Variants in DNAJC3 observed in about 807,000 individuals in gnomAD.
The protein encoded by DNAJC3 is dnaJ homolog subfamily C member 3.
In DNAJC3, 38 loss-of-function variants were observed where a neutral mutation model predicts 68.6. That is an observed-to-expected ratio of 0.55 (90% CI 0.43 to 0.73). DNAJC3 has a LOEUF of 0.73. Among genes scored for constraint, DNAJC3 ranks in the 30% least tolerant of loss-of-function variants. The probability of loss-of-function intolerance (pLI) is 0.00; values close to 1 mark genes in which losing one functional copy is unlikely to be tolerated. For missense variants in DNAJC3, 526 were observed against 591.9 expected (o/e 0.89, Z 1.16); for synonymous variants, 203 against 204.0 (o/e 1.00, Z 0.04).
Position 95,704,857 on chromosome 13 carries a change from T to TTTTTTTTG in DNAJC3, c.83-4363_83-4362insGTTTTTTT, listed in dbSNP as rs1189534581. Among the ~76,000 whole-genome samples the TTTTTTTTG allele has an allele frequency of 5.9e-4, 83 of 140,046 alleles. 1 individual carries two copies. The highest frequency in any genetic ancestry group is 2.4e-3 in the African/African-American group (79 of 32,802). 91.9% of individuals were successfully genotyped at this position (140,046 alleles called of 152,430 possible). A position where few individuals can be genotyped will look rare whatever the true frequency, so the allele number is the denominator to read the frequency against. On this transcript the variant is annotated intron_variant, in intron 1 of 11. Transcript: ENST00000602402. ...GACTAATCTGTGTGTGTGTGTTTTT[T>TTTTTTTTG]TTTTTTTTTTTTGAGACAGAGTCTC...
chr13:95,752,047 G>C (rs1338473453), intron 4 of DNAJC3, among the ~76,000 whole-genome samples: 2 of 152,178 alleles, frequency 1.3e-5, no homozygotes, highest in African/African-American at 2.4e-5. Flanking sequence ...TGAGATTTGG[G>C]TGGGGACACA....
intron 9 of DNAJC3, among the ~76,000 whole-genome samples, chr13:95,775,156 C>G (rs1883260686): frequency 6.6e-6 from 1 of 152,204 alleles, no homozygotes. Context: ...TCTTAAACCC[C>G]TGGCCTCAAG....
At chr13:95,790,793 T>C in intron 11 of DNAJC3, 80 bp from the exon 12 acceptor site, 111 of 636,434 alleles carry the variant, frequency 1.7e-4, no homozygotes, top group Middle Eastern at 3.5e-4. Flanking sequence ...CCACCCACCC[T>C]CCTCTGCCCA....
chr13:95,696,771 A>T (rs1222522492), intron 1 of DNAJC3, among the ~76,000 whole-genome samples: 1 of 150,024 alleles, frequency 6.7e-6, no homozygotes, highest in African/African-American at 2.5e-5. Flanking sequence ...TTTGAGACGG[A>T]GTCTCGCTCT....
In DNAJC3 at chr13:95,786,124, A is replaced by G. The variant is rs1662469938; in HGVS notation, c.1208+53A>G. 9.3e-6 allele frequency: 14 copies of G among 1,500,190 alleles called. No individual in the cohort carries two copies. In the South Asian group the frequency reaches 1.4e-4, roughly 15 times the overall value. The allele number at this position is 1,500,190 out of a possible 1,614,324, so 92.9% of individuals were successfully genotyped here. A position where few individuals can be genotyped will look rare whatever the true frequency, so the allele number is the denominator to read the frequency against. ...GCTATTTTTAATCAACTCTGTTTCA[A>G]AGCTAATCATTGCTCTTTTTCCTCT... On this transcript the variant is annotated intron_variant, in intron 10 of 11. Transcript: ENST00000602402.
At chr13:95,681,682 C>T (rs1021327980) in intron 1 of DNAJC3, among the ~76,000 whole-genome samples, 3 of 152,208 alleles carry the variant, frequency 2.0e-5, no homozygotes, top group African/African-American at 7.2e-5. Context: ...AAGAAACAAT[C>T]TCAGTCGCAA....
intron 4 of DNAJC3, chr13:95,742,636 G>A (rs1380701935): frequency 1.9e-6 from 1 of 513,120 alleles, no homozygotes; most frequent in South Asian, 1.4e-5. Flanking sequence ...CTTCTTAGGT[G>A]TTTCCTGTTC....
intron 2 of DNAJC3, 120 bp from the exon 3 acceptor site, chr13:95,723,122 C>A (rs527564601): frequency 2.2e-6 from 2 of 926,318 alleles, no homozygotes; most frequent in African/African-American, 1.7e-5. Context: ...TGATGAGATT[C>A]TTTTCTTAAT....
At position 95,764,373 on chromosome 13, in the gene DNAJC3, C is replaced by CTATATA. The variant is rs1354797563; in HGVS notation, c.1075+421_1075+422insATATAT. On this transcript the variant is annotated intron_variant, in intron 9 of 11. Transcript: ENST00000602402. ...TCTCTCTCTCTCTCTCTCTCTCTCTCTCTATATATATATATATATATACTC... is the reference window on the plus strand; with the variant it reads ...TCTCTCTCTCTCTCTCTCTCTCTCTCTATATATCTATATATATATATATATATACTC... 4.5e-3 allele frequency among the ~76,000 whole-genome samples: 585 copies of CTATATA among 128,858 alleles called. 6 individuals are homozygous for CTATATA. The highest frequency in any genetic ancestry group is 0.019 in the African/African-American group (560 of 29,910). The allele number at this position is 128,858 out of a possible 152,430, so 84.5% of individuals were successfully genotyped here.
Position 95,757,629 on chromosome 13 carries a change from T to C in DNAJC3, c.394-15T>C. 1 of 1,539,124 alleles carries C rather than the reference T, an allele frequency of 6.5e-7. No homozygotes were observed. Among genetic ancestry groups the C allele is most frequent in the Non-Finnish European group, 8.9e-7 (1 of 1,128,526 alleles). ...GAGATTAAAAACTCTGCTTAGTTTT[T>C]TATTTTCCTTATAGCTCAAATCTAA... is the stretch of plus-strand genomic sequence containing the variant. On this transcript the variant is annotated splice_polypyrimidine_tract_variant and intron_variant, in intron 4 of 11. Transcript: ENST00000602402.
At chr13:95,747,976 C>A (rs1367954659) in intron 4 of DNAJC3, among the ~76,000 whole-genome samples, 1 of 152,150 alleles carries the variant, frequency 6.6e-6, no homozygotes, top group African/African-American at 2.4e-5. Context: ...TAAAAACTTC[C>A]TGGTTCTCAC....
chr13:95,712,022 TACAC>T (rs992638374), intron 2 of DNAJC3, among the ~76,000 whole-genome samples: 3 of 152,314 alleles, frequency 2.0e-5, no homozygotes, highest in African/African-American at 4.8e-5. Flanking sequence ...CACAAACACA[TACAC>T]ACACCACTGG....
At chr13:95,753,990 C>G (rs1287609084) in intron 4 of DNAJC3, among the ~76,000 whole-genome samples, 1 of 152,186 alleles carries the variant, frequency 6.6e-6, no homozygotes, top group Non-Finnish European at 1.5e-5. Flanking sequence ...AATGGTAAAA[C>G]TTCCACACTG....
At chr13:95,775,869 G>T (rs1018340756) in intron 9 of DNAJC3, among the ~76,000 whole-genome samples, 1 of 152,142 alleles carries the variant, frequency 6.6e-6, no homozygotes, top group African/African-American at 2.4e-5. Flanking sequence ...GTCACCCCGA[G>T]TTAGAGTTAC....
intron 2 of DNAJC3, among the ~76,000 whole-genome samples, chr13:95,717,479 A>C (rs1881188424): frequency 6.6e-6 from 1 of 152,222 alleles, no homozygotes; most frequent in Non-Finnish European, 1.5e-5. Flanking sequence ...TGGTCAGTTC[A>C]GTAAATTGTT....
At chr13:95,784,542 A>G (rs17881256) in intron 9 of DNAJC3, among the ~76,000 whole-genome samples, 2,280 of 152,220 alleles carry the variant, frequency 0.015, 61 homozygotes, top group African/African-American at 0.052. Context: ...TTTTTTGGGG[A>G]ACTAGTCACT....
At chr13:95,680,694 A>G (rs1025528411) in intron 1 of DNAJC3, among the ~76,000 whole-genome samples, 4 of 152,210 alleles carry the variant, frequency 2.6e-5, no homozygotes, top group African/African-American at 9.7e-5. Context: ...AGGTAGGGGA[A>G]GTTGTTCTGG....
chr13:95,787,200 T>C, intron 11 of DNAJC3, 45 bp downstream of exon 11: 1 of 1,584,460 alleles, frequency 6.3e-7, no homozygotes, highest in Non-Finnish European at 8.6e-7. Context: ...GAGGTGGTGT[T>C]AGAAGCGAGG....
At chr13:95,697,024 A>G (rs967804355) in intron 1 of DNAJC3, among the ~76,000 whole-genome samples, 2 of 152,100 alleles carry the variant, frequency 1.3e-5, no homozygotes, top group Non-Finnish European at 2.9e-5. Context: ...ATTTACCTTC[A>G]AGGTTAATAT....
Sources: allele counts gnomAD v4.1 joint callset (sites outside exome capture counted in the v4.1 genomes callset), GRCh38; gene constraint gnomAD v4.1.1; transcripts MANE v1.5; gene names NCBI Gene and HGNC (gene_info 2026-07-23, HGNC 2026-07-21).